Variants in KCNB2 observed in about 807,000 individuals in gnomAD.
The protein encoded by KCNB2 is delayed rectifier potassium channel protein.
A neutral mutation model predicts 61.5 loss-of-function variants in KCNB2; 15 were observed. That is an observed-to-expected ratio of 0.24 (90% CI 0.16 to 0.38). KCNB2 has a LOEUF of 0.38. Ranked by LOEUF, KCNB2 falls within the 10% of genes least tolerant of loss-of-function variation. The probability of loss-of-function intolerance (pLI) is 1.00; values close to 1 mark genes in which losing one functional copy is unlikely to be tolerated. For synonymous variants in KCNB2, 457 were observed against 446.0 expected, an observed-to-expected ratio of 1.02 and a Z score of -0.31; for missense variants, 828 against 1,125.2, an observed-to-expected ratio of 0.74 and a Z score of 3.78.
intron 2 of KCNB2, among the ~76,000 whole-genome samples, chr8:72,771,511 G>A (rs905740312): frequency 6.6e-6 from 1 of 152,100 alleles, no homozygotes; most frequent in African/African-American, 2.4e-5. Context: ...TTACGGTGAG[G>A]TCAGCCTACT....
intron 2 of KCNB2, among the ~76,000 whole-genome samples, chr8:72,887,386 C>T (rs931676841): frequency 6.6e-6 from 1 of 152,098 alleles, no homozygotes; most frequent in African/African-American, 2.4e-5. Context: ...TACCAAAATG[C>T]ATAATAAACT....
intron 2 of KCNB2, among the ~76,000 whole-genome samples, chr8:72,726,370 T>C (rs1214666608): frequency 2.6e-5 from 4 of 152,200 alleles, no homozygotes; most frequent in Non-Finnish European, 5.9e-5. Context: ...ACACACTCTA[T>C]GGCATTTTGT....
At chr8:72,795,372 C>A (rs902774730) in intron 2 of KCNB2, among the ~76,000 whole-genome samples, 3 of 152,180 alleles carry the variant, frequency 2.0e-5, no homozygotes, top group African/African-American at 7.2e-5. Context: ...ACTAGGGGAG[C>A]AACTCCACAA....
At chr8:72,775,379 A>G (rs1012930688) in intron 2 of KCNB2, among the ~76,000 whole-genome samples, 9 of 152,182 alleles carry the variant, frequency 5.9e-5, no homozygotes, top group Non-Finnish European at 1.3e-4. Context: ...TTGTGGACCC[A>G]GGCTGCCAAT....
At chr8:72,586,741 A>G (rs2128981038) in intron 2 of KCNB2, among the ~76,000 whole-genome samples, 1 of 152,358 alleles carries the variant, frequency 6.6e-6, no homozygotes, top group African/African-American at 2.4e-5. Context: ...TGTTTAGAGT[A>G]ATTCCATCAG....
intron 2 of KCNB2, among the ~76,000 whole-genome samples, chr8:72,825,790 G>A (rs576734391): frequency 1.3e-5 from 2 of 152,056 alleles, no homozygotes; most frequent in African/African-American, 4.8e-5. Context: ...ATATATTCTG[G>A]ATATCGGTCC....
chr8:72,609,196 G>T (rs763806924), intron 2 of KCNB2, among the ~76,000 whole-genome samples: 11 of 152,122 alleles, frequency 7.2e-5, no homozygotes. Flanking sequence ...CTAGGACCTT[G>T]GTCCATGTTT....
At chr8:72,559,292 G>A (rs144036783) in intron 1 of KCNB2, among the ~76,000 whole-genome samples, 208 of 151,844 alleles carry the variant, frequency 1.4e-3, no homozygotes, top group African/African-American at 4.4e-3. Context: ...TTACAGGTGC[G>A]CGCTACTACA....
In KCNB2 at chr8:72,579,589, G is replaced by A. The variant is rs75879788; in HGVS notation, c.579+11276G>A. On this transcript the variant is annotated intron_variant, in intron 2 of 2. Transcript: ENST00000523207. ...CTGCCCTCCCTTAATCCGTGAACTC[G>A]GGCTGTGCAAGTTAAGCTGGTTTTA... Among the ~76,000 whole-genome samples, 1,309 of 152,170 alleles carry A rather than the reference G, an allele frequency of 8.6e-3. 15 individuals carry two copies. Among genetic ancestry groups the A allele is most frequent in the Non-Finnish European group, 0.013 (863 of 68,032 alleles).
intron 2 of KCNB2, among the ~76,000 whole-genome samples, chr8:72,625,949 AC>A: frequency 6.6e-6 from 1 of 152,212 alleles, no homozygotes; most frequent in Non-Finnish European, 1.5e-5. Context: ...TTTCAAAAAA[AC>A]AAAAAAAGAT....
intron 2 of KCNB2, among the ~76,000 whole-genome samples, chr8:72,825,015 C>A (rs1209204082): frequency 1.3e-5 from 2 of 152,164 alleles, no homozygotes; most frequent in African/African-American, 4.8e-5. Context: ...TTTATCTTCC[C>A]AAACTGAAAG....
chr8:72,925,983 A>G (rs1348880605), intron 2 of KCNB2, among the ~76,000 whole-genome samples: 1 of 152,184 alleles, frequency 6.6e-6, no homozygotes, highest in Non-Finnish European at 1.5e-5. Flanking sequence ...TCCTCAGCAA[A>G]GTAACTTAGG....
chr8:72,575,436 T>C (rs1461382504), intron 2 of KCNB2, among the ~76,000 whole-genome samples: 1 of 152,158 alleles, frequency 6.6e-6, no homozygotes, highest in Non-Finnish European at 1.5e-5. Context: ...ATATTTTCCT[T>C]TTTCTTATCC....
chr8:72,799,626 G>C (rs1237006070), intron 2 of KCNB2, among the ~76,000 whole-genome samples: 3 of 152,154 alleles, frequency 2.0e-5, no homozygotes. Context: ...CATGACCATA[G>C]AGTTACAATG....
chr8:72,710,902 G>C (rs1287530545), intron 2 of KCNB2, among the ~76,000 whole-genome samples: 1 of 152,236 alleles, frequency 6.6e-6, no homozygotes, highest in African/African-American at 2.4e-5. Context: ...AGAAGTCAGA[G>C]TGCTATTTCC....
chr8:72,854,911 A>G (rs1276953984), intron 2 of KCNB2, among the ~76,000 whole-genome samples: 4 of 152,188 alleles, frequency 2.6e-5, no homozygotes, highest in Non-Finnish European at 5.9e-5. Context: ...AGAATTGAAA[A>G]GGGAAGGTCC....
chr8:72,748,302 A>G (rs984738354), intron 2 of KCNB2, among the ~76,000 whole-genome samples: 1 of 152,172 alleles, frequency 6.6e-6, no homozygotes, highest in South Asian at 2.1e-4. Context: ...AAGTAAATGT[A>G]GCCTCTAAGA....
At chr8:72,821,342 A>G (rs1809494702) in intron 2 of KCNB2, among the ~76,000 whole-genome samples, 1 of 152,160 alleles carries the variant, frequency 6.6e-6, no homozygotes, top group Non-Finnish European at 1.5e-5. Context: ...ACGCATGACT[A>G]AAGAAGATCT....
chr8:72,899,515 T>C (rs1472572248), intron 2 of KCNB2, among the ~76,000 whole-genome samples: 2 of 152,166 alleles, frequency 1.3e-5, no homozygotes, highest in Non-Finnish European at 2.9e-5. Flanking sequence ...AACTGATAAA[T>C]GACTTTAGTA....
Sources: allele counts gnomAD v4.1 joint callset (sites outside exome capture counted in the v4.1 genomes callset), GRCh38; gene constraint gnomAD v4.1.1; transcripts MANE v1.5; gene names NCBI Gene and HGNC (gene_info 2026-07-23, HGNC 2026-07-21).